Variants in PDE8B observed in about 807,000 individuals in gnomAD.
PDE8B encodes the protein high affinity cAMP-specific and IBMX-insensitive 3',5'-cyclic phosphodiesterase 8B.
In PDE8B, 26 loss-of-function variants were observed where a neutral mutation model predicts 101.3. The ratio of observed to expected loss-of-function variants is 0.26; its 90% CI spans 0.19 to 0.36. The LOEUF is 0.36. Ranked by LOEUF, PDE8B falls within the 10% of genes least tolerant of loss-of-function variation. PDE8B has a pLI of 1.00. For synonymous variants in PDE8B, 424 were observed against 429.3 expected, an observed-to-expected ratio of 0.99 and a Z score of 0.15; for missense variants, 810 against 1,163.1, an observed-to-expected ratio of 0.70 and a Z score of 4.42.
the PDE8B span, among the ~76,000 whole-genome samples, chr5:77,125,088 G>T: frequency 6.6e-6 from 1 of 152,176 alleles, no homozygotes; most frequent in African/African-American, 2.4e-5. Flanking sequence ...TCCTGGGCTG[G>T]CTTCAGTGAT....
At chr5:77,178,106 T>C in the PDE8B span, among the ~76,000 whole-genome samples, 4 of 152,246 alleles carry the variant, frequency 2.6e-5, no homozygotes, top group Admixed American at 2.6e-4. Context: ...CTCCTAGTAC[T>C]TCTTAACTGG....
chr5:77,169,897 G>A, the PDE8B span, among the ~76,000 whole-genome samples: 17 of 152,200 alleles, frequency 1.1e-4, no homozygotes, highest in African/African-American at 4.1e-4. Context: ...TGAGTGCAGA[G>A]TAAATGCTCA....
chr5:77,271,566 A>T (rs1278440268), intron 1 of PDE8B, among the ~76,000 whole-genome samples: 1 of 152,162 alleles, frequency 6.6e-6, no homozygotes, highest in Non-Finnish European at 1.5e-5. Flanking sequence ...GATGTGAAGA[A>T]CTTTTTTTTA....
At chr5:77,378,852 G>A (rs1786883179) in intron 10 of PDE8B, among the ~76,000 whole-genome samples, 1 of 152,212 alleles carries the variant, frequency 6.6e-6, no homozygotes, top group African/African-American at 2.4e-5. Context: ...AGGTGATTTT[G>A]ATTCATGCAT....
chr5:77,342,766 G>A (rs1779438142), intron 6 of PDE8B, among the ~76,000 whole-genome samples: 1 of 152,142 alleles, frequency 6.6e-6, no homozygotes, highest in African/African-American at 2.4e-5. Flanking sequence ...TATAGGGAAG[G>A]TCACCAAGAA....
At chr5:77,250,219 A>C (rs776170564) in intron 1 of PDE8B, among the ~76,000 whole-genome samples, 2 of 152,226 alleles carry the variant, frequency 1.3e-5, no homozygotes, top group Non-Finnish European at 2.9e-5. Context: ...TCTGTGAGGT[A>C]GAGAGTATCA....
At chr5:77,102,171 C>A in the PDE8B span, among the ~76,000 whole-genome samples, 1 of 152,200 alleles carries the variant, frequency 6.6e-6, no homozygotes, top group African/African-American at 2.4e-5. Flanking sequence ...AGTTGGATGG[C>A]CGTGCTGGCC....
chr5:77,148,158 T>C, the PDE8B span: 2 of 152,224 alleles, frequency 1.3e-5, no homozygotes, highest in African/African-American at 4.8e-5. Flanking sequence ...TTGCTACAAT[T>C]GTCTCATTTG....
chr5:77,215,790 G>T (rs1169791622), intron 1 of PDE8B, among the ~76,000 whole-genome samples: 1 of 152,182 alleles, frequency 6.6e-6, no homozygotes, highest in African/African-American at 2.4e-5. Context: ...GTGGAACCAG[G>T]TGGGAAGACA....
At chr5:77,382,435 C>CT (rs1207928491) in intron 10 of PDE8B, among the ~76,000 whole-genome samples, 3 of 152,044 alleles carry the variant, frequency 2.0e-5, no homozygotes, top group Admixed American at 6.6e-5. Flanking sequence ...AGGTTTTTAA[C>CT]TTTTTTTTAA....
chr5:77,377,424 G>A (rs1298060949), intron 10 of PDE8B, among the ~76,000 whole-genome samples: 1 of 152,102 alleles, frequency 6.6e-6, no homozygotes, highest in African/African-American at 2.4e-5. Context: ...ACAAGTGATG[G>A]GTGCAGAACC....
At chr5:77,270,297 C>T (rs1203961321) in intron 1 of PDE8B, among the ~76,000 whole-genome samples, 9 of 152,102 alleles carry the variant, frequency 5.9e-5, no homozygotes, top group Admixed American at 1.3e-4. Flanking sequence ...GATTTTTGTA[C>T]GTTGATTTTG....
chr5:77,123,361 CA>C, the PDE8B span, among the ~76,000 whole-genome samples: 6 of 149,050 alleles, frequency 4.0e-5, no homozygotes, highest in Non-Finnish European at 8.9e-5. Flanking sequence ...ATTCCTCCCC[CA>C]CCGCCCCCCG....
At chr5:77,163,013 G>A in the PDE8B span, among the ~76,000 whole-genome samples, 4 of 152,118 alleles carry the variant, frequency 2.6e-5, no homozygotes, top group Non-Finnish European at 5.9e-5. Flanking sequence ...AGGTTAAAAG[G>A]GAGCACTTAT....
At chr5:77,086,988 G>C in the PDE8B span, 1 of 152,226 alleles carries the variant, frequency 6.6e-6, no homozygotes, top group Admixed American at 6.5e-5. Context: ...GCAGCCCAGC[G>C]AAGGGCACGC....
At chr5:77,341,559 T>C (rs1043347962) in intron 6 of PDE8B, among the ~76,000 whole-genome samples, 60 of 152,352 alleles carry the variant, frequency 3.9e-4, no homozygotes, top group African/African-American at 1.3e-3. Flanking sequence ...TGTCATTTGA[T>C]AAAATGTGTT....
At chr5:77,331,199 C>T (rs1777051809) in intron 4 of PDE8B, 1 of 671,546 alleles carries the variant, frequency 1.5e-6, no homozygotes, top group South Asian at 1.6e-5. Flanking sequence ...GGAGCTTTCT[C>T]TGCTGTTTTT....
chr5:77,265,419 G>C (rs16874125), intron 1 of PDE8B, among the ~76,000 whole-genome samples: 40,000 of 152,038 alleles, frequency 0.26, 5,393 homozygotes, highest in African/African-American at 0.31. Context: ...ACAATCGCTA[G>C]TTCATCAGTG....
At chr5:77,196,834 G>T in the PDE8B span, among the ~76,000 whole-genome samples, 1 of 152,072 alleles carries the variant, frequency 6.6e-6, no homozygotes, top group Non-Finnish European at 1.5e-5. Flanking sequence ...TTTTCTTTGT[G>T]AGCAGGCTGT....
Sources: allele counts gnomAD v4.1 joint callset (sites outside exome capture counted in the v4.1 genomes callset), GRCh38; gene constraint gnomAD v4.1.1; transcripts MANE v1.5; gene names NCBI Gene and HGNC (gene_info 2026-07-23, HGNC 2026-07-21).